The following KLRG2 variants were observed in gnomAD, a reference collection of about 807,000 sequenced individuals.
KLRG2 encodes killer cell lectin like receptor G2, also known as killer cell lectin-like receptor subfamily G member 2.
KLRG2 carries 39 observed loss-of-function variants against 35.4 expected under a neutral mutation model. That is an observed-to-expected ratio of 1.10 (90% CI 0.85 to 1.44). The LOEUF is 1.44. Among genes scored for constraint, KLRG2 ranks in the 40% most tolerant of loss-of-function variants. KLRG2 has a pLI of 0.00. For missense variants in KLRG2, 632 were observed against 570.9 expected, an observed-to-expected ratio of 1.11 and a Z score of -1.09; for synonymous variants, 283 against 265.8, an observed-to-expected ratio of 1.06 and a Z score of -0.63.
At chr7:139,467,852 A>G (rs1320055663) in intron 3 of KLRG2, among the ~76,000 whole-genome samples, 2 of 151,800 alleles carry the variant, frequency 1.3e-5, no homozygotes, top group African/African-American at 4.9e-5. Flanking sequence ...GAGCATTAGT[A>G]TAAGAGGAAG....
At position 139,453,416 on chromosome 7, in the gene KLRG2, A is replaced by G. The variant is rs1375233953; in HGVS notation, c.*171T>C. On this transcript the variant is annotated 3_prime_UTR_variant, in exon 5 of 5. Coordinates refer to ENST00000340940, the MANE Select transcript of KLRG2 (RefSeq NM_198508.4). ...AGAAAATCTCCTTTCCCTCGGATGC[A>G]TCTTCCTGGGTTGAAGTCCAGCTCC... 7.9e-6 allele frequency: 5 copies of G among 631,716 alleles called. No homozygotes were observed. Among genetic ancestry groups the G allele is most frequent in the Non-Finnish European group, 1.3e-5 (5 of 375,028 alleles). 39.1% of individuals were successfully genotyped at this position (631,716 alleles called of 1,614,324 possible). A position where few individuals can be genotyped will look rare whatever the true frequency, so the allele number is the denominator to read the frequency against.
chr7:139,434,774 G>A, the KLRG2 span, among the ~76,000 whole-genome samples: 49 of 152,114 alleles, frequency 3.2e-4, no homozygotes, highest in Non-Finnish European at 6.2e-4. Context: ...GGTGCGGCGC[G>A]GGCGGCCAGG....
chr7:139,454,024 G>T, intron 4 of KLRG2, 87 bp downstream of exon 4: 2 of 890,748 alleles, frequency 2.2e-6, no homozygotes, highest in Non-Finnish European at 3.6e-6. Context: ...GGCATTCCAG[G>T]CTAGGGGAGC....
the KLRG2 span, among the ~76,000 whole-genome samples, chr7:139,432,093 C>G: frequency 2.0e-5 from 3 of 151,726 alleles, no homozygotes; most frequent in Non-Finnish European, 2.9e-5. Context: ...CGGTGCCTCA[C>G]GCTTGTAATT....
At chr7:139,460,361 G>A (rs190593527) in intron 3 of KLRG2, among the ~76,000 whole-genome samples, 2 of 152,304 alleles carry the variant, frequency 1.3e-5, no homozygotes, top group African/African-American at 4.8e-5. Flanking sequence ...TAATTTATAA[G>A]GAAAATCAAT....
Position 139,483,010 on chromosome 7 carries a change from G to A in KLRG2, c.633C>T (p.Gly211=). The change falls in exon 1 of 5, where the codon GGC becomes GGT. Residue 211 remains glycine, a synonymous_variant. Transcript: ENST00000340940. ...GRASPAEGSA[G]SPGSPTCCRC... is the part of the protein sequence containing the mutation. ...GGCAGCACGTGGGGGAGCCCGGGGAGCCGGCGCTTCCTTCCGCGGGGCTGG... is the reference window on the plus strand; with the variant it reads ...GGCAGCACGTGGGGGAGCCCGGGGAACCGGCGCTTCCTTCCGCGGGGCTGG... 7.3e-7 allele frequency: 1 copy of A among 1,373,834 alleles called. No individual in the cohort carries two copies. Among genetic ancestry groups the A allele is most frequent in the South Asian group, 1.7e-5 (1 of 59,122 alleles). 85.1% of individuals were successfully genotyped at this position (1,373,834 alleles called of 1,614,324 possible). A position where few individuals can be genotyped will look rare whatever the true frequency, so the allele number is the denominator to read the frequency against.
intron 3 of KLRG2, among the ~76,000 whole-genome samples, chr7:139,477,326 G>A (rs1258982493): frequency 6.6e-6 from 1 of 152,068 alleles, no homozygotes; most frequent in Non-Finnish European, 1.5e-5. Flanking sequence ...GCAACCCAAG[G>A]GTCTGTCCAC....
At chr7:139,464,577 A>T (rs185419158) in intron 3 of KLRG2, among the ~76,000 whole-genome samples, 1 of 152,024 alleles carries the variant, frequency 6.6e-6, no homozygotes, top group Admixed American at 6.6e-5. Context: ...TCCCCTTTCC[A>T]TTCCTTAAAA....
At chr7:139,467,157 C>G (rs1198608047) in intron 3 of KLRG2, among the ~76,000 whole-genome samples, 2 of 152,102 alleles carry the variant, frequency 1.3e-5, no homozygotes, top group Admixed American at 1.3e-4. Flanking sequence ...CCCATGTCGC[C>G]CCTAATCCCG....
chr7:139,461,691 A>C (rs78826898), intron 3 of KLRG2, among the ~76,000 whole-genome samples: 3 of 150,994 alleles, frequency 2.0e-5, no homozygotes, highest in Non-Finnish European at 2.9e-5. Context: ...AGCGAACAAC[A>C]CCCTTTGACT....
At chr7:139,455,069 A>G (rs1463619898) in intron 3 of KLRG2, among the ~76,000 whole-genome samples, 1 of 150,340 alleles carries the variant, frequency 6.7e-6, no homozygotes, top group East Asian at 2.0e-4. Flanking sequence ...CCCAGGCTGG[A>G]GTGCAGTGGC....
the KLRG2 span, among the ~76,000 whole-genome samples, chr7:139,431,064 G>A: frequency 6.6e-6 from 1 of 151,066 alleles, no homozygotes; most frequent in East Asian, 1.9e-4. Context: ...TAAAGGAAGG[G>A]ATTACTGACA....
chr7:139,430,730 CA>C, the KLRG2 span, among the ~76,000 whole-genome samples: 1 of 152,056 alleles, frequency 6.6e-6, no homozygotes, highest in Admixed American at 6.6e-5. Flanking sequence ...ATAAACAGGC[CA>C]GGTGTGGTGG....
rs1585179982 is a variant in KLRG2 at position 139,482,078 on chromosome 7, C to T, written c.757+808G>A. Reference sequence around the variant, plus strand: ...TGTGTCAAGCTCCCCCTCCCCCACACCACAAAATAACCAGCCGCACATACT... The same window carrying T: ...TGTGTCAAGCTCCCCCTCCCCCACATCACAAAATAACCAGCCGCACATACT... On this transcript the variant is annotated intron_variant, in intron 1 of 4. Coordinates refer to ENST00000340940, the MANE Select transcript of KLRG2 (RefSeq NM_198508.4). Among the ~76,000 whole-genome samples the T allele has an allele frequency of 5.9e-5, 9 of 152,324 alleles. 2 individuals are homozygous for T. The highest frequency in any genetic ancestry group is 5.9e-4 in the Admixed American group (9 of 15,298).
the KLRG2 span, among the ~76,000 whole-genome samples, chr7:139,435,054 G>A: frequency 6.6e-6 from 1 of 152,278 alleles, no homozygotes; most frequent in African/African-American, 2.4e-5. Flanking sequence ...GGAGTTGAAT[G>A]TAGTTTAGAT....
downstream of KLRG2, among the ~76,000 whole-genome samples, chr7:139,452,356 A>C (rs916521448): frequency 6.6e-6 from 1 of 152,176 alleles, no homozygotes; most frequent in Non-Finnish European, 1.5e-5. Flanking sequence ...TGTAGATGAC[A>C]AGTTGATGGG....
chr7:139,454,841 AATAATAATAATAAT>A lies in KLRG2; in HGVS notation c.1006-641_1006-628del, dbSNP rs1278083916. On this transcript the variant is annotated intron_variant, in intron 3 of 4. Transcript: ENST00000340940. ...TCAAAATAATAATAATAATAATAAT[AATAATAATAATAAT>A]AATAATAATAACACACGCAGATGTG... 8.1e-5 allele frequency among the ~76,000 whole-genome samples: 11 copies of A among 135,776 alleles called. No homozygotes were observed. The South Asian group carries it at 1.8e-3, about 22-fold the overall frequency. The allele number at this position is 135,776 out of a possible 152,430, so 89.1% of individuals were successfully genotyped here.
At chr7:139,447,185 T>A in the KLRG2 span, among the ~76,000 whole-genome samples, 3 of 151,680 alleles carry the variant, frequency 2.0e-5, no homozygotes, top group African/African-American at 7.3e-5. Flanking sequence ...TCAGATCAAA[T>A]ACATTTTAAA....
chr7:139,451,101 T>C (rs1488012071), downstream of KLRG2, among the ~76,000 whole-genome samples: 1 of 152,180 alleles, frequency 6.6e-6, no homozygotes, highest in Non-Finnish European at 1.5e-5. Context: ...ATTCCAGGGC[T>C]CCATCCAATA....
Sources: allele counts gnomAD v4.1 joint callset (sites outside exome capture counted in the v4.1 genomes callset), GRCh38; gene constraint gnomAD v4.1.1; transcripts MANE v1.5; gene names NCBI Gene and HGNC (gene_info 2026-07-23, HGNC 2026-07-21).